ISCU: variants seen among roughly 807,000 people sequenced by gnomAD.
The protein encoded by ISCU is iron-sulfur cluster assembly enzyme.
Under a neutral mutation model 18.4 loss-of-function variants are expected in ISCU, and 13 were observed. That is an observed-to-expected ratio of 0.71 (90% confidence interval 0.46 to 1.12). The LOEUF is 1.12. Ranked by LOEUF, ISCU falls within the 50% of genes most tolerant of loss-of-function variation. ISCU has a pLI of 0.00. For missense variants in ISCU, 229 were observed against 208.7 expected (o/e 1.10, Z -0.60); for synonymous variants, 104 against 87.5 (o/e 1.19, Z -1.06).
chr12:108,567,379 A>G (rs976838648), intron 4 of ISCU, 111 bp downstream of exon 4: 2 of 891,344 alleles, frequency 2.2e-6, no homozygotes, highest in African/African-American at 3.2e-5. Context: ...CCTCAGAATT[A>G]GAGCTCATGA....
chr12:108,565,642 T>C (rs966964905), intron 3 of ISCU, among the ~76,000 whole-genome samples: 1 of 152,200 alleles, frequency 6.6e-6, no homozygotes, highest in Non-Finnish European at 1.5e-5. Flanking sequence ...TAATTACATA[T>C]AAAAAAGATC....
chr12:108,563,387 G>A (rs2030725457), intron 1 of ISCU: 1 of 153,638 alleles, frequency 6.5e-6, no homozygotes, highest in Non-Finnish European at 1.4e-5. Context: ...AAGTCCCCCA[G>A]ACGTGAGACT....
At chr12:108,562,154 G>A (rs981379061), upstream of ISCU, among the ~76,000 whole-genome samples, 6 of 152,328 alleles carry the variant, frequency 3.9e-5, no homozygotes, top group East Asian at 1.2e-3. Context: ...GGAAGGAACC[G>A]AACCAGGATT....
intron 4 of ISCU, 88 bp from the exon 5 acceptor site, chr12:108,568,743 A>G: frequency 6.4e-7 from 1 of 1,551,064 alleles, no homozygotes; most frequent in East Asian, 2.4e-5. Context: ...CACCAGCACC[A>G]CTTCCTCCCA....
In ISCU at chr12:108,563,021, C is replaced by CAG. The variant is rs529521526; in HGVS notation, c.114+285_114+286insAG. The CAG allele has an allele frequency of 2.6e-5, 7 of 271,140 alleles. No individual in the cohort carries two copies. In the South Asian group the frequency reaches 9.1e-4, roughly 35 times the overall value. 16.8% of individuals were successfully genotyped at this position (271,140 alleles called of 1,614,324 possible). On this transcript the variant is annotated intron_variant, in intron 1 of 4. Transcript: ENST00000311893. ...GAGGCAGGGTCCTGTTGGGACTTGTCTTTCTGAGTCCAGGGACAGACACAC... is the reference window on the plus strand; with the variant it reads ...GAGGCAGGGTCCTGTTGGGACTTGTCAGTTTCTGAGTCCAGGGACAGACACAC...
chr12:108,565,862 C>G (rs1057219525), intron 3 of ISCU, among the ~76,000 whole-genome samples: 23 of 152,094 alleles, frequency 1.5e-4, no homozygotes, highest in African/African-American at 5.3e-4. Flanking sequence ...ATTAAATAAT[C>G]AAAAAGACAG....
At chr12:108,565,880 G>A (rs1592792175) in intron 3 of ISCU, among the ~76,000 whole-genome samples, 2 of 152,174 alleles carry the variant, frequency 1.3e-5, no homozygotes, top group African/African-American at 4.8e-5. Flanking sequence ...CAGCAAGGGT[G>A]GGGGCAAAGT....
Position 108,568,911 on chromosome 12 carries a change from A to G in ISCU, c.499A>G (p.Lys167Glu). Residue 167 changes from lysine (K) to glutamate (E), a missense_variant, in exon 5 of 5, where the codon AAA (lysine) becomes GAA (glutamate). Lys to Glu is a moderately conservative substitution (Grantham distance 56). Transcript: ENST00000311893. ...ACCCAAAAAAGGAGAGGCAGAGAAG[A>G]AATGAGCCCTCCCTCGGCGAAGCCT... ...QEPKKGEAEK[K>E] The G allele has an allele frequency of 6.2e-7, 1 of 1,611,296 alleles. No individual in the cohort carries two copies. The highest frequency in any genetic ancestry group is 8.5e-7 in the Non-Finnish European group (1 of 1,178,772).
intron 1 of ISCU, 30 bp downstream of exon 1, chr12:108,562,766 C>A: frequency 7.6e-7 from 1 of 1,309,920 alleles, no homozygotes; most frequent in Non-Finnish European, 1.0e-6. Context: ...GCGCGGAATG[C>A]CGACTCAGCG....
chr12:108,565,758 G>C (rs932977149), intron 3 of ISCU, among the ~76,000 whole-genome samples: 1 of 152,186 alleles, frequency 6.6e-6, no homozygotes, highest in East Asian at 1.9e-4. Context: ...TTATAAGGTA[G>C]TTATTTTCTT....
At position 108,562,656 on chromosome 12, in the gene ISCU, G is replaced by A. The variant is rs764955289; in HGVS notation, c.34G>A (p.Ala12Thr). ...AAAGAFRLRR[A>T]ASALLLRSPR... ...GGCTGGGGCTTTCCGTCTGAGGCGG[G>A]CGGCATCGGCTCTGCTGCTGCGGAG... The change falls in exon 1 of 5, where the codon GCG becomes ACG. Residue 12 changes from alanine to threonine, a missense_variant. Transcript: ENST00000311893. 2.1e-6 allele frequency: 3 copies of A among 1,462,264 alleles called. No homozygotes were observed. Among genetic ancestry groups the A allele is most frequent in the African/African-American group, 1.5e-5 (1 of 68,098 alleles). 90.6% of individuals were successfully genotyped at this position (1,462,264 alleles called of 1,614,324 possible). A position where few individuals can be genotyped will look rare whatever the true frequency, so the allele number is the denominator to read the frequency against.
intron 4 of ISCU, 95 bp downstream of exon 4, chr12:108,567,363 T>C: frequency 9.7e-7 from 1 of 1,027,942 alleles, no homozygotes; most frequent in Non-Finnish European, 1.5e-6. Flanking sequence ...AGCCCACGTT[T>C]GTAACCCTCA....
chr12:108,569,160 G>C lies in ISCU; in HGVS notation c.*244G>C. The C allele has an allele frequency of 1.9e-6, 1 of 521,750 alleles. No homozygotes were observed. The highest frequency in any genetic ancestry group is 3.5e-6 in the Non-Finnish European group (1 of 288,798). 32.3% of individuals were successfully genotyped at this position (521,750 alleles called of 1,614,324 possible). On this transcript the variant is annotated 3_prime_UTR_variant, in exon 5 of 5. Coordinates refer to ENST00000311893, the MANE Select transcript of ISCU (RefSeq NM_213595.4). Reference sequence around the variant, plus strand: ...AGTTAATGTATATTTTGAATTGTGTGTATGACCTCAGAACTGAAATTGATA... The same window carrying C: ...AGTTAATGTATATTTTGAATTGTGTCTATGACCTCAGAACTGAAATTGATA...
chr12:108,568,223 G>A, intron 4 of ISCU: 3 of 1,235,960 alleles, frequency 2.4e-6, no homozygotes, highest in South Asian at 2.9e-5. Flanking sequence ...ACCTTTAGCT[G>A]ATGTTCTCTG....
At chr12:108,561,778 T>C (rs1454618721), upstream of ISCU, among the ~76,000 whole-genome samples, 14 of 152,244 alleles carry the variant, frequency 9.2e-5, no homozygotes, top group Admixed American at 9.2e-4. Flanking sequence ...TTAGAAATTC[T>C]TAATTGCTAG....
chr12:108,567,212 A>G lies in ISCU; in HGVS notation c.362A>G (p.Lys121Arg). ...CAGGTGGAGGAAGCCTTGACTATCA[A>G]AAACACAGATATCGCCAAGGAGCTC... ...GKTVEEALTI[K>R]NTDIAKELCL... The change falls in exon 4 of 5, where the codon AAA (lysine) becomes AGA (arginine). Residue 121 changes from lysine to arginine, a missense_variant. By Grantham distance (26) the Lys-to-Arg change is conservative (BLOSUM62 2). Coordinates refer to ENST00000311893, the MANE Select transcript of ISCU (RefSeq NM_213595.4). 1.2e-6 allele frequency: 2 copies of G among 1,614,116 alleles called. No individual in the cohort carries two copies. The highest frequency in any genetic ancestry group is 1.1e-5 in the South Asian group (1 of 91,086).
chr12:108,562,916 C>T (rs2030683008), intron 1 of ISCU, 180 bp downstream of exon 1: 3 of 402,878 alleles, frequency 7.4e-6, no homozygotes, highest in Non-Finnish European at 1.3e-5. Flanking sequence ...AGTTACCGCT[C>T]ATCGGGCGGC....
intron 3 of ISCU, among the ~76,000 whole-genome samples, chr12:108,566,638 G>A (rs917775706): frequency 6.6e-6 from 1 of 152,158 alleles, no homozygotes. Flanking sequence ...CAGACCCCAG[G>A]CATCCTCTTT....
chr12:108,563,841 C>T, intron 1 of ISCU: 1 of 554,752 alleles, frequency 1.8e-6, no homozygotes, highest in Non-Finnish European at 3.2e-6. Context: ...CCCTGTGTAA[C>T]AGTCACCTTA....
Sources: allele counts gnomAD v4.1 joint callset (sites outside exome capture counted in the v4.1 genomes callset), GRCh38; gene constraint gnomAD v4.1.1; transcripts MANE v1.5; gene names NCBI Gene and HGNC (gene_info 2026-07-23, HGNC 2026-07-21).